PDE4B: variants seen among roughly 807,000 people sequenced by gnomAD.
PDE4B encodes the protein 3',5'-cyclic-AMP phosphodiesterase 4B.
PDE4B carries 20 observed loss-of-function variants against 82.2 expected under a neutral mutation model. The ratio of observed to expected loss-of-function variants is 0.24; its 90% CI spans 0.17 to 0.35. The LOEUF (loss-of-function observed/expected upper bound fraction) is 0.35. PDE4B is among the 10% of genes least tolerant of loss of function. PDE4B has a pLI of 1.00. For synonymous variants in PDE4B, 320 were observed against 318.9 expected (o/e 1.00, Z -0.04); for missense variants, 655 against 907.2 (o/e 0.72, Z 3.57).
At chr1:66,195,437 G>T (rs777924902) in intron 3 of PDE4B, among the ~76,000 whole-genome samples, 1 of 152,036 alleles carries the variant, frequency 6.6e-6, no homozygotes, top group African/African-American at 2.4e-5. Context: ...ACAGCCAAAG[G>T]GCCAGAGGAA....
At chr1:66,164,755 C>CTTTTTTTTTTT (rs145224852) in intron 3 of PDE4B, among the ~76,000 whole-genome samples, 8 of 87,874 alleles carry the variant, frequency 9.1e-5, no homozygotes, top group Non-Finnish European at 1.0e-4. Flanking sequence ...CTTTTCTTTT[C>CTTTTTTTTTTT]TTTTTTTTTT....
intron 3 of PDE4B, among the ~76,000 whole-genome samples, chr1:66,154,828 C>T (rs564815283): frequency 1.3e-5 from 2 of 152,096 alleles, no homozygotes; most frequent in Non-Finnish European, 2.9e-5. Flanking sequence ...GTGCTTTTTC[C>T]AAGCCCCTTG....
At chr1:66,198,437 C>G (rs1648527633) in intron 3 of PDE4B, among the ~76,000 whole-genome samples, 1 of 152,050 alleles carries the variant, frequency 6.6e-6, no homozygotes, top group African/African-American at 2.4e-5. Context: ...ACAAAACATT[C>G]ATAAAGCATA....
At chr1:66,263,881 A>G (rs571463055) in intron 6 of PDE4B, among the ~76,000 whole-genome samples, 5 of 152,304 alleles carry the variant, frequency 3.3e-5, no homozygotes, top group African/African-American at 1.2e-4. Context: ...GGCAGCACAT[A>G]TTCAAGGAAA....
chr1:66,235,673 A>G (rs1570528441), intron 3 of PDE4B, among the ~76,000 whole-genome samples: 1 of 152,216 alleles, frequency 6.6e-6, no homozygotes, highest in East Asian at 1.9e-4. Flanking sequence ...TTTAAATGTG[A>G]TGTTTAGACC....
At chr1:66,293,763 T>C (rs527976380) in intron 7 of PDE4B, among the ~76,000 whole-genome samples, 2 of 152,276 alleles carry the variant, frequency 1.3e-5, no homozygotes, top group East Asian at 1.9e-4. Context: ...TCTCAGCCAA[T>C]AGACATACAA....
intron 1 of PDE4B, among the ~76,000 whole-genome samples, chr1:65,832,930 T>C (rs1444391912): frequency 6.6e-6 from 1 of 152,172 alleles, no homozygotes; most frequent in African/African-American, 2.4e-5. Context: ...ATATTTTGAG[T>C]TCTACTCTTG....
At chr1:65,887,677 C>G (rs910825244) in intron 1 of PDE4B, among the ~76,000 whole-genome samples, 1 of 151,814 alleles carries the variant, frequency 6.6e-6, no homozygotes, top group African/African-American at 2.4e-5. Flanking sequence ...CTCGGCCTCC[C>G]AAAATGCTGG....
At chr1:66,280,103 A>C (rs544493953) in intron 7 of PDE4B, among the ~76,000 whole-genome samples, 7 of 152,244 alleles carry the variant, frequency 4.6e-5, no homozygotes, top group Admixed American at 1.3e-4. Flanking sequence ...AAGATGTATA[A>C]AATCCAGGAC....
At chr1:65,839,253 GA>G (rs1280438674) in intron 1 of PDE4B, among the ~76,000 whole-genome samples, 8 of 150,806 alleles carry the variant, frequency 5.3e-5, no homozygotes, top group East Asian at 3.9e-4. Flanking sequence ...CAATACCAAT[GA>G]TTTTTTTTTT....
At chr1:66,000,610 T>C (rs1651814127) in intron 3 of PDE4B, among the ~76,000 whole-genome samples, 1 of 152,178 alleles carries the variant, frequency 6.6e-6, no homozygotes, top group Non-Finnish European at 1.5e-5. Flanking sequence ...TACTTTAGGT[T>C]GAAATGAAAA....
At chr1:66,053,866 A>AAAT (rs982380434) in intron 3 of PDE4B, among the ~76,000 whole-genome samples, 8 of 152,066 alleles carry the variant, frequency 5.3e-5, no homozygotes, top group South Asian at 4.1e-4. Context: ...TCTCAATTAA[A>AAAT]AATAATAATA....
chr1:66,314,006 G>T (rs942552173), intron 7 of PDE4B, among the ~76,000 whole-genome samples: 2 of 152,070 alleles, frequency 1.3e-5, no homozygotes, highest in African/African-American at 2.4e-5. Context: ...CTGCTCTTGT[G>T]TCCCACTCTA....
chr1:66,046,488 T>G (rs1372107659), intron 3 of PDE4B, among the ~76,000 whole-genome samples: 2 of 151,718 alleles, frequency 1.3e-5, no homozygotes, highest in Non-Finnish European at 2.9e-5. Context: ...TTCTAATATC[T>G]CCCAACGTGA....
intron 3 of PDE4B, among the ~76,000 whole-genome samples, chr1:65,977,616 C>T (rs1162786891): frequency 6.6e-6 from 1 of 152,184 alleles, no homozygotes; most frequent in Admixed American, 6.5e-5. Flanking sequence ...TAACATTGTT[C>T]TATGTACCAT....
chr1:66,187,666 G>A (rs1647304864), intron 3 of PDE4B, among the ~76,000 whole-genome samples: 1 of 152,160 alleles, frequency 6.6e-6, no homozygotes, highest in African/African-American at 2.4e-5. Context: ...ATTTCTGTGG[G>A]ATCTGTGGTG....
intron 3 of PDE4B, among the ~76,000 whole-genome samples, chr1:65,934,310 G>T (rs1453710007): frequency 6.6e-6 from 1 of 152,050 alleles, no homozygotes; most frequent in African/African-American, 2.4e-5. Context: ...AAAATTAGTT[G>T]AGCATGGTGG....
chr1:66,342,314 GTA>G (rs936838662), intron 8 of PDE4B, among the ~76,000 whole-genome samples: 3 of 151,944 alleles, frequency 2.0e-5, no homozygotes, highest in African/African-American at 7.2e-5. Context: ...AAATTCCTTA[GTA>G]TATAATGTAA....
chr1:65,792,858 CG>C (rs1645586938), upstream of PDE4B, among the ~76,000 whole-genome samples: 1 of 151,760 alleles, frequency 6.6e-6, no homozygotes, highest in African/African-American at 2.4e-5. Flanking sequence ...TTCCGGGGGG[CG>C]GGGGTGGACA....
Sources: gnomAD v4.1 joint callset for allele counts (sites outside exome capture counted in the v4.1 genomes callset) on GRCh38, gnomAD v4.1.1 for gene constraint, MANE v1.5 for transcripts, NCBI Gene and HGNC (gene_info 2026-07-23, HGNC 2026-07-21) for gene names.